The following SCML2 variants were observed in gnomAD, a reference collection of about 807,000 sequenced individuals.
SCML2 encodes the protein sex comb on midleg-like protein 2.
A neutral mutation model predicts 48.4 loss-of-function variants in SCML2; 6 were observed. The observed-to-expected ratio is 0.12, with a 90% CI of 0.07 to 0.24. The LOEUF (loss-of-function observed/expected upper bound fraction) is 0.24, where lower values mean the gene tolerates loss of function less well. Among genes scored for constraint, SCML2 ranks in the 10% least tolerant of loss-of-function variants. The pLI, the probability that SCML2 is intolerant of heterozygous loss-of-function variation, is 1.00. For synonymous variants in SCML2, 181 were observed against 189.5 expected (o/e 0.95, Z 0.37); for missense variants, 377 against 528.2 (o/e 0.71, Z 2.81).
chrX:18,322,722 C>T (rs1205919734), intron 5 of SCML2, among the ~76,000 whole-genome samples: 1 of 110,297 alleles, frequency 9.1e-6, no homozygotes, highest in African/African-American at 3.3e-5. Flanking sequence ...GGTGAGACCC[C>T]GTCTCTACTA....
chrX:18,304,993 A>G lies in SCML2; in HGVS notation c.709T>C (p.Leu237=). ...AGWCRLTGDV[L]QPPGTSVPIV... is the part of the protein sequence containing the mutation. Reference sequence around the variant, plus strand: ...TTACCACTAGTTCCTGGGGGTTGTAATACATCTCCTGTCAGGCGACACCAC... The same window carrying G: ...TTACCACTAGTTCCTGGGGGTTGTAGTACATCTCCTGTCAGGCGACACCAC... Residue 237 remains leucine, a synonymous_variant, in exon 7 of 15, where the codon TTA becomes CTA. Transcript: ENST00000251900. The G allele has an allele frequency of 8.3e-7, 1 of 1,210,069 alleles. No homozygotes were observed. The highest frequency in any genetic ancestry group is 1.1e-6 in the Non-Finnish European group (1 of 894,801).
At chrX:18,292,379 A>G (rs1928259930) in intron 7 of SCML2, among the ~76,000 whole-genome samples, 1 of 111,590 alleles carries the variant, frequency 9.0e-6, no homozygotes. Flanking sequence ...TTTAATAACA[A>G]ATCTGGAAAT....
At chrX:18,312,978 C>CGTGTGT (rs72406000) in intron 6 of SCML2, among the ~76,000 whole-genome samples, 29 of 94,996 alleles carry the variant, frequency 3.1e-4, no homozygotes, top group African/African-American at 7.7e-4. Context: ...AATGGGTGTG[C>CGTGTGT]GTGTGTGTGT....
intron 8 of SCML2, among the ~76,000 whole-genome samples, chrX:18,263,388 C>A (rs1946201648): frequency 1.8e-5 from 2 of 111,605 alleles, no homozygotes; most frequent in Non-Finnish European, 3.8e-5. Flanking sequence ...TGCATTTACC[C>A]AAAGATTTAC....
Position 18,324,987 on chromosome X carries a change from A to C in SCML2, c.92-10T>G. On this transcript the variant is annotated splice_polypyrimidine_tract_variant and intron_variant, in intron 3 of 14. Coordinates refer to ENST00000251900, the MANE Select transcript of SCML2 (RefSeq NM_006089.3). ...TCCCAGTGGAAATCATCTGGAAAAA[A>C]CACATGTGCAAAATAGTTTCTTAAA... 1.7e-6 allele frequency: 2 copies of C among 1,155,595 alleles called. No homozygotes were observed. Among genetic ancestry groups the C allele is most frequent in the Non-Finnish European group, 2.4e-6 (2 of 846,197 alleles).
At chrX:18,270,087 G>A (rs1422974633) in intron 7 of SCML2, among the ~76,000 whole-genome samples, 1 of 104,516 alleles carries the variant, frequency 9.6e-6, no homozygotes, top group Non-Finnish European at 1.9e-5. Context: ...GAGTGCAGTG[G>A]CATGATCTCG....
At chrX:18,299,864 C>T (rs1229049535) in intron 7 of SCML2, among the ~76,000 whole-genome samples, 1 of 109,717 alleles carries the variant, frequency 9.1e-6, no homozygotes, top group Non-Finnish European at 1.9e-5. Flanking sequence ...TCAGCCTCCC[C>T]AGCAGCTAGG....
At chrX:18,305,828 G>T (rs940254126) in intron 6 of SCML2, among the ~76,000 whole-genome samples, 1 of 110,055 alleles carries the variant, frequency 9.1e-6, no homozygotes, top group Non-Finnish European at 1.9e-5. Flanking sequence ...TATAGTATGG[G>T]GTCATTTATA....
At chrX:18,287,450 A>T (rs1928093569) in intron 7 of SCML2, among the ~76,000 whole-genome samples, 1 of 112,010 alleles carries the variant, frequency 8.9e-6, no homozygotes, top group Non-Finnish European at 1.9e-5. Flanking sequence ...TATATCTTAT[A>T]AAACATTATA....
intron 7 of SCML2, among the ~76,000 whole-genome samples, chrX:18,295,058 C>T (rs751722219): frequency 9.0e-6 from 1 of 111,433 alleles, no homozygotes; most frequent in South Asian, 3.8e-4. Flanking sequence ...CTACCACAGC[C>T]GCCACCACCA....
At chrX:18,351,081 C>A (rs1262453107) in intron 1 of SCML2, among the ~76,000 whole-genome samples, 1 of 110,450 alleles carries the variant, frequency 9.1e-6, no homozygotes, top group African/African-American at 3.3e-5. Flanking sequence ...ACCAGCCTGG[C>A]CAACTAGGTG....
chrX:18,241,148 T>G lies in SCML2; in HGVS notation c.*103A>C. The G allele has an allele frequency of 1.4e-6, 1 of 708,557 alleles. No homozygotes were observed. Among genetic ancestry groups the G allele is most frequent in the South Asian group, 5.0e-5 (1 of 19,903 alleles). The allele number at this position is 708,557 out of a possible 1,213,427, so 58.4% of individuals were successfully genotyped here. A position where few individuals can be genotyped will look rare whatever the true frequency, so the allele number is the denominator to read the frequency against. On this transcript the variant is annotated 3_prime_UTR_variant, in exon 15 of 15. Transcript: ENST00000251900. Reference sequence around the variant, plus strand: ...CTGCAATTCTGATAAAATATTTTTATGGGAACTGTCTACAAAACAAAAACT... The same window carrying G: ...CTGCAATTCTGATAAAATATTTTTAGGGGAACTGTCTACAAAACAAAAACT...
intron 11 of SCML2, among the ~76,000 whole-genome samples, chrX:18,255,161 T>A (rs1045282057): frequency 2.7e-5 from 3 of 111,886 alleles, no homozygotes; most frequent in African/African-American, 9.8e-5. Flanking sequence ...TCACTCTTCC[T>A]CTTCCCCCTA....
intron 14 of SCML2, among the ~76,000 whole-genome samples, chrX:18,241,914 C>A (rs2049799460): frequency 8.9e-6 from 1 of 112,188 alleles, no homozygotes; most frequent in Admixed American, 9.5e-5. Flanking sequence ...TGTTAGAAAA[C>A]ACTGAAAATA....
intron 1 of SCML2, among the ~76,000 whole-genome samples, chrX:18,351,863 T>C (rs997790509): frequency 1.7e-4 from 19 of 111,465 alleles, no homozygotes; most frequent in Non-Finnish European, 1.9e-5. Context: ...GGGATTTGGC[T>C]CTTCCTTAAA....
intron 7 of SCML2, among the ~76,000 whole-genome samples, chrX:18,283,527 C>T (rs1927936406): frequency 8.9e-6 from 1 of 112,266 alleles, no homozygotes; most frequent in Non-Finnish European, 1.9e-5. Context: ...ATGTTCTATA[C>T]CTAGGAAACC....
intron 9 of SCML2, among the ~76,000 whole-genome samples, chrX:18,259,404 G>A (rs981611091): frequency 4.5e-5 from 5 of 111,771 alleles, no homozygotes; most frequent in Non-Finnish European, 7.5e-5. Flanking sequence ...TCTATATTTA[G>A]TATAAGAAAA....
rs1273533680 is a variant in SCML2, at chrX:18,345,004, A to AT, written c.-25+9587dup. Reference sequence around the variant, plus strand: ...CCTACCCTAAGGCTTTTATATATGTATTTTTTCTTATCTAAAGCTTATTAC... The same window carrying AT: ...CCTACCCTAAGGCTTTTATATATGTATTTTTTTCTTATCTAAAGCTTATTAC... On this transcript the variant is annotated intron_variant, in intron 1 of 14. Transcript: ENST00000251900. Among the ~76,000 whole-genome samples the AT allele has an allele frequency of 8.1e-5, 9 of 111,030 alleles. No homozygotes were observed. The East Asian group carries it at 2.0e-3, about 25-fold the overall frequency.
Position 18,247,738 on chromosome X carries a change from C to T in SCML2, c.1570+31G>A, listed in dbSNP as rs780215080. The T allele has an allele frequency of 1.1e-5, 11 of 1,020,031 alleles. No individual in the cohort carries two copies. The East Asian group carries it at 3.0e-4, about 28-fold the overall frequency. The allele number at this position is 1,020,031 out of a possible 1,213,427, so 84.1% of individuals were successfully genotyped here. A position where few individuals can be genotyped will look rare whatever the true frequency, so the allele number is the denominator to read the frequency against. The stretch of plus-strand genomic sequence containing the variant: ...AAGTGGTAGCAGAGAAACATTTCTT[C>T]CCAGTCCTGGGAGGTGTAAATGCTA... On this transcript the variant is annotated intron_variant, in intron 12 of 14. Coordinates refer to ENST00000251900, the MANE Select transcript of SCML2 (RefSeq NM_006089.3).
Sources: gnomAD v4.1 joint callset for allele counts (sites outside exome capture counted in the v4.1 genomes callset) on GRCh38, gnomAD v4.1.1 for gene constraint, MANE v1.5 for transcripts, NCBI Gene and HGNC (gene_info 2026-07-23, HGNC 2026-07-21) for gene names.